The following DNER variants were observed in gnomAD, a reference collection of about 807,000 sequenced individuals.
The protein encoded by DNER is delta/notch like EGF repeat containing, also known as delta and Notch-like epidermal growth factor-related receptor.
DNER carries 33 observed loss-of-function variants against 78.2 expected under a neutral mutation model. That is an observed-to-expected ratio of 0.42 (90% CI 0.32 to 0.56). The LOEUF is 0.56. Among genes scored for constraint, DNER ranks in the 20% least tolerant of loss-of-function variants. DNER has a pLI of 0.11. For synonymous variants in DNER, 417 were observed against 384.8 expected (o/e 1.08, Z -0.98); for missense variants, 918 against 975.3 (o/e 0.94, Z 0.78).
chr2:229,697,906 A>C (rs771801164), intron 1 of DNER, among the ~76,000 whole-genome samples: 3 of 152,184 alleles, frequency 2.0e-5, no homozygotes, highest in Non-Finnish European at 4.4e-5. Context: ...GTAGAAGAGC[A>C]GGGCTGGGCA....
intron 10 of DNER, among the ~76,000 whole-genome samples, chr2:229,401,472 A>G (rs1483743764): frequency 6.6e-6 from 1 of 152,100 alleles, no homozygotes; most frequent in Non-Finnish European, 1.5e-5. Context: ...GGACATCCAT[A>G]CTTTGGAATA....
chr2:229,684,651 C>T (rs1163797490), intron 1 of DNER, among the ~76,000 whole-genome samples: 1 of 152,290 alleles, frequency 6.6e-6, no homozygotes, highest in East Asian at 1.9e-4. Flanking sequence ...ATTTACCGCT[C>T]ATCCAGTGAG....
At chr2:229,682,095 C>T (rs952362594) in intron 1 of DNER, among the ~76,000 whole-genome samples, 1 of 152,066 alleles carries the variant, frequency 6.6e-6, no homozygotes, top group African/African-American at 2.4e-5. Flanking sequence ...GGAGAGAATT[C>T]CAACAATTTT....
intron 1 of DNER, among the ~76,000 whole-genome samples, chr2:229,614,249 G>A (rs911115383): frequency 5.9e-5 from 9 of 151,908 alleles, no homozygotes; most frequent in African/African-American, 1.9e-4. Context: ...CTAATCATGC[G>A]TGCTAATTGA....
chr2:229,405,948 T>C (rs1693371086), intron 10 of DNER, among the ~76,000 whole-genome samples: 3 of 152,240 alleles, frequency 2.0e-5, no homozygotes, highest in Admixed American at 2.0e-4. Flanking sequence ...AGTATAAATG[T>C]CTGCGTGTGT....
chr2:229,440,080 A>G (rs1034828607), intron 8 of DNER, among the ~76,000 whole-genome samples: 1 of 152,222 alleles, frequency 6.6e-6, no homozygotes, highest in Non-Finnish European at 1.5e-5. Flanking sequence ...TGAGGTGAAA[A>G]AGCAGCCTTG....
intron 5 of DNER, among the ~76,000 whole-genome samples, chr2:229,515,606 G>C (rs975600397): frequency 6.6e-6 from 1 of 151,072 alleles, no homozygotes; most frequent in African/African-American, 2.4e-5. Context: ...AAATTATTGA[G>C]AGCCCCAAAT....
intron 1 of DNER, among the ~76,000 whole-genome samples, chr2:229,700,354 G>C (rs1295370676): frequency 9.0e-6 from 1 of 111,026 alleles, no homozygotes; most frequent in Non-Finnish European, 1.8e-5. Context: ...TTTTTTTTTT[G>C]AGACAGCATC....
At chr2:229,585,462 A>T (rs1697478609) in intron 4 of DNER, among the ~76,000 whole-genome samples, 1 of 152,056 alleles carries the variant, frequency 6.6e-6, no homozygotes, top group African/African-American at 2.4e-5. Context: ...GGATTTCAAG[A>T]CCAACCTGGC....
chr2:229,552,581 T>C (rs929947525), intron 4 of DNER, among the ~76,000 whole-genome samples: 1 of 152,126 alleles, frequency 6.6e-6, no homozygotes, highest in South Asian at 2.1e-4. Flanking sequence ...CTTTTCCCCC[T>C]TTTTCTCAGC....
chr2:229,418,142 A>C lies in DNER; in HGVS notation c.1575T>G (p.Asn525Lys), dbSNP rs1218299864. ...CTGCCAGGCACACACACTCATAGCC[A>C]TTAACGAGGTCCCTGCAGGTGGCTG... is the stretch of plus-strand genomic sequence containing the variant. ...LNAATCRDLV[N>K]GYECVCLAEY... Residue 525 changes from asparagine to lysine, a missense_variant, in exon 9 of 13, where the codon AAT becomes AAG. By Grantham distance (94) the Asn-to-Lys change is moderately conservative. Coordinates refer to ENST00000341772, the MANE Select transcript of DNER (RefSeq NM_139072.4). 1 of 1,614,184 alleles carries C rather than the reference A, an allele frequency of 6.2e-7. No individual in the cohort carries two copies. The highest frequency in any genetic ancestry group is 8.5e-7 in the Non-Finnish European group (1 of 1,180,008).
chr2:229,461,409 G>GT lies in DNER; in HGVS notation c.1262-13870dup, dbSNP rs771745983. ...GTAATAATGATCTCTCAAGGTAAGT[G>GT]TTTTTTTTAAAATTCCCCTTATAGA... On this transcript the variant is annotated intron_variant, in intron 7 of 12. Coordinates refer to ENST00000341772, the MANE Select transcript of DNER (RefSeq NM_139072.4). Among the ~76,000 whole-genome samples the GT allele has an allele frequency of 1.6e-3, 238 of 151,670 alleles. 1 individual carries two copies. The highest frequency in any genetic ancestry group is 2.7e-3 in the African/African-American group (110 of 41,266).
intron 7 of DNER, among the ~76,000 whole-genome samples, chr2:229,468,741 C>G (rs1694858586): frequency 6.6e-6 from 1 of 152,194 alleles, no homozygotes; most frequent in Non-Finnish European, 1.5e-5. Flanking sequence ...CTTGATAAAT[C>G]AGCTCTGTCT....
chr2:229,578,840 G>A (rs183700641), intron 4 of DNER, among the ~76,000 whole-genome samples: 91 of 152,248 alleles, frequency 6.0e-4, no homozygotes, highest in East Asian at 2.1e-3. Context: ...GCTTTACTAA[G>A]GAATTCCAAA....
At chr2:229,425,276 TAAC>T (rs1389463485) in intron 8 of DNER, among the ~76,000 whole-genome samples, 3 of 152,150 alleles carry the variant, frequency 2.0e-5, no homozygotes, top group Non-Finnish European at 2.9e-5. Flanking sequence ...ATTTTTGAGC[TAAC>T]GAGAACCCTG....
chr2:229,653,202 A>G (rs1328452498), intron 1 of DNER, among the ~76,000 whole-genome samples: 1 of 152,130 alleles, frequency 6.6e-6, no homozygotes, highest in Non-Finnish European at 1.5e-5. Flanking sequence ...CGGGGAGAAA[A>G]TCACCAGCCA....
chr2:229,676,099 AC>A lies in DNER; in HGVS notation c.276+38048del, dbSNP rs1285336898. 2.6e-5 allele frequency among the ~76,000 whole-genome samples: 4 copies of A among 152,218 alleles called. No individual in the cohort carries two copies. The East Asian group carries it at 7.7e-4, about 29-fold the overall frequency. On this transcript the variant is annotated intron_variant, in intron 1 of 12. Transcript: ENST00000341772. ...CAGGCAGTGTACCTAGGGACTGTCG[AC>A]AAGTGTGCATGTCTATATTGGTGGG...
intron 6 of DNER, among the ~76,000 whole-genome samples, chr2:229,485,173 A>C (rs928436374): frequency 6.6e-6 from 1 of 152,198 alleles, no homozygotes; most frequent in African/African-American, 2.4e-5. Flanking sequence ...GTTGTGACTC[A>C]GGGTACATGG....
intron 5 of DNER, among the ~76,000 whole-genome samples, chr2:229,517,673 G>A (rs560621382): frequency 6.6e-6 from 1 of 152,208 alleles, no homozygotes; most frequent in Non-Finnish European, 1.5e-5. Flanking sequence ...TGGGATGGTG[G>A]TTTTCATGTA....
Sources: gnomAD v4.1 joint callset for allele counts (sites outside exome capture counted in the v4.1 genomes callset) on GRCh38, gnomAD v4.1.1 for gene constraint, MANE v1.5 for transcripts, NCBI Gene and HGNC (gene_info 2026-07-23, HGNC 2026-07-21) for gene names.